Variants in IL1RAPL1 observed in about 807,000 individuals in gnomAD.
IL1RAPL1 encodes the protein interleukin 1 receptor accessory protein like 1.
Under a neutral mutation model 48.4 loss-of-function variants are expected in IL1RAPL1, and 3 were observed. The ratio of observed to expected loss-of-function variants is 0.06; its 90% confidence interval spans 0.03 to 0.16. IL1RAPL1 has a LOEUF of 0.16. Ranked by LOEUF, IL1RAPL1 falls within the 10% of genes least tolerant of loss-of-function variation. The probability of loss-of-function intolerance (pLI) is 1.00; values close to 1 mark genes in which losing one functional copy is unlikely to be tolerated. For synonymous variants in IL1RAPL1, 185 were observed against 187.7 expected (o/e 0.99, Z 0.12); for missense variants, 349 against 530.6 (o/e 0.66, Z 3.36).
intron 2 of IL1RAPL1, among the ~76,000 whole-genome samples, chrX:29,198,420 C>CGAG (rs1569257687): frequency 1.8e-5 from 2 of 109,890 alleles, no homozygotes; most frequent in Non-Finnish European, 3.8e-5. Context: ...CTCAGGCTCC[C>CGAG]GAGTAGCTGG....
chrX:28,674,720 A>G (rs924399286), intron 1 of IL1RAPL1, among the ~76,000 whole-genome samples: 1 of 111,844 alleles, frequency 8.9e-6, no homozygotes, highest in African/African-American at 3.2e-5. Context: ...GTCAAAGTAG[A>G]CTTATGTTTT....
chrX:28,940,605 G>C (rs1210223073), intron 2 of IL1RAPL1, among the ~76,000 whole-genome samples: 1 of 110,832 alleles, frequency 9.0e-6, no homozygotes, highest in East Asian at 2.8e-4. Flanking sequence ...AATAAGATGT[G>C]TTTGGCTGAA....
At chrX:29,862,296 A>C (rs765908491) in intron 6 of IL1RAPL1, among the ~76,000 whole-genome samples, 16 of 111,739 alleles carry the variant, frequency 1.4e-4, no homozygotes, top group African/African-American at 4.9e-4. Context: ...TTCCCCTCTT[A>C]CAGAATTCAT....
At chrX:28,632,886 C>CTTTTTT (rs140847456) in intron 1 of IL1RAPL1, among the ~76,000 whole-genome samples, 1 of 40,664 alleles carries the variant, frequency 2.5e-5, no homozygotes, top group Admixed American at 3.5e-4. Flanking sequence ...TCACTGTATG[C>CTTTTTT]TTTTTTTTTT....
intron 2 of IL1RAPL1, among the ~76,000 whole-genome samples, chrX:28,859,151 T>A (rs1441556803): frequency 5.3e-5 from 6 of 112,471 alleles, no homozygotes; most frequent in African/African-American, 1.9e-4. Context: ...TATTATTTCT[T>A]ATGCAACTTA....
chrX:29,000,432 A>G (rs959738328), intron 2 of IL1RAPL1, among the ~76,000 whole-genome samples: 14 of 111,536 alleles, frequency 1.3e-4, no homozygotes, highest in South Asian at 3.7e-4. Flanking sequence ...ATTGAATTCT[A>G]TGCTCCTTGA....
intron 1 of IL1RAPL1, among the ~76,000 whole-genome samples, chrX:28,712,886 A>G (rs749761875): frequency 9.0e-6 from 1 of 111,465 alleles, no homozygotes; most frequent in Non-Finnish European, 1.9e-5. Context: ...CCCACAAAAT[A>G]ATATAAAAAT....
At chrX:29,467,383 G>A (rs1024671418) in intron 5 of IL1RAPL1, among the ~76,000 whole-genome samples, 1 of 112,582 alleles carries the variant, frequency 8.9e-6, no homozygotes, top group African/African-American at 3.2e-5. Flanking sequence ...CTAATGGGAA[G>A]AAAAATGGTT....
At chrX:28,856,662 A>G (rs1428683838) in intron 2 of IL1RAPL1, among the ~76,000 whole-genome samples, 2 of 111,142 alleles carry the variant, frequency 1.8e-5, no homozygotes, top group African/African-American at 6.5e-5. Context: ...TTATTATGAA[A>G]TTGTTTTGGG....
At chrX:28,753,239 A>G (rs1936064279) in intron 1 of IL1RAPL1, among the ~76,000 whole-genome samples, 1 of 111,751 alleles carries the variant, frequency 8.9e-6, no homozygotes, top group Non-Finnish European at 1.9e-5. Flanking sequence ...AAAGTTGCTG[A>G]CCCCTACTAT....
At chrX:28,971,134 T>A in intron 2 of IL1RAPL1, among the ~76,000 whole-genome samples, 1 of 111,476 alleles carries the variant, frequency 9.0e-6, no homozygotes, top group Non-Finnish European at 1.9e-5. Flanking sequence ...CAGGGTATGA[T>A]GGATTACCTG....
chrX:29,785,907 A>G (rs776145880), intron 6 of IL1RAPL1, among the ~76,000 whole-genome samples: 28 of 109,827 alleles, frequency 2.5e-4, no homozygotes, highest in Non-Finnish European at 4.7e-4. Context: ...AATATTTTAT[A>G]CCTTGTAGCT....
intron 3 of IL1RAPL1, among the ~76,000 whole-genome samples, chrX:29,310,325 CTTATA>C (rs201771904): frequency 0.076 from 8,189 of 108,430 alleles, 828 homozygotes; most frequent in African/African-American, 0.26. Context: ...CTTCTTTTCT[CTTATA>C]TTAGTTGGTA....
intron 5 of IL1RAPL1, among the ~76,000 whole-genome samples, chrX:29,611,025 A>C (rs1924074936): frequency 4.4e-5 from 5 of 112,425 alleles, no homozygotes; most frequent in Non-Finnish European, 3.8e-5. Context: ...TGACTCTGGC[A>C]TAACATTATA....
intron 6 of IL1RAPL1, among the ~76,000 whole-genome samples, chrX:29,777,973 T>C (rs1032561155): frequency 9.1e-6 from 1 of 110,203 alleles, no homozygotes; most frequent in Non-Finnish European, 1.9e-5. Context: ...ATTTATACTA[T>C]TGTATAAATA....
At chrX:29,356,781 G>T (rs1445392986) in intron 3 of IL1RAPL1, among the ~76,000 whole-genome samples, 1 of 111,234 alleles carries the variant, frequency 9.0e-6, no homozygotes, top group Non-Finnish European at 1.9e-5. Context: ...AGATATACAT[G>T]TGGGAGTGGA....
chrX:28,794,836 G>T (rs1242396334), intron 2 of IL1RAPL1, among the ~76,000 whole-genome samples: 1 of 112,011 alleles, frequency 8.9e-6, no homozygotes, highest in Non-Finnish European at 1.9e-5. Flanking sequence ...TTAAGTAAAA[G>T]AAATTATACT....
chrX:29,239,584 G>A (rs182564250), intron 2 of IL1RAPL1, among the ~76,000 whole-genome samples: 95 of 112,467 alleles, frequency 8.4e-4, no homozygotes, highest in African/African-American at 3.0e-3. Flanking sequence ...GAGAGAATCA[G>A]TTTCCTTTGC....
chrX:29,455,786 G>A (rs1275365677), intron 5 of IL1RAPL1, among the ~76,000 whole-genome samples: 3 of 110,637 alleles, frequency 2.7e-5, no homozygotes, highest in Non-Finnish European at 5.7e-5. Context: ...GTATTGCCAT[G>A]GGGTTTTTCA....
Sources: gnomAD v4.1 joint callset for allele counts (sites outside exome capture counted in the v4.1 genomes callset) on GRCh38, gnomAD v4.1.1 for gene constraint, MANE v1.5 for transcripts, NCBI Gene and HGNC (gene_info 2026-07-23, HGNC 2026-07-21) for gene names.